The following ARHGAP27 variants were observed in gnomAD, a reference collection of about 807,000 sequenced individuals.
ARHGAP27 encodes the protein Rho GTPase activating protein 27, also known as rho GTPase-activating protein 27.
A neutral mutation model predicts 102.0 loss-of-function variants in ARHGAP27; 53 were observed. The ratio of observed to expected loss-of-function variants is 0.52; its 90% CI spans 0.42 to 0.65. The LOEUF is 0.65. Ranked by LOEUF, ARHGAP27 falls within the 30% of genes least tolerant of loss-of-function variation. ARHGAP27 has a pLI of 0.00. For missense variants in ARHGAP27, 1,117 were observed against 1,256.2 expected, an observed-to-expected ratio of 0.89 and a Z score of 1.68; for synonymous variants, 525 against 542.8, an observed-to-expected ratio of 0.97 and a Z score of 0.46.
intron 4 of ARHGAP27, among the ~76,000 whole-genome samples, chr17:45,412,881 C>T (rs1450862752): frequency 2.0e-5 from 3 of 148,828 alleles, no homozygotes; most frequent in Non-Finnish European, 4.4e-5. Flanking sequence ...TGGGCCGGGA[C>T]CTGGGGAAAG....
chr17:45,413,551 C>T (rs939135784), intron 4 of ARHGAP27, among the ~76,000 whole-genome samples: 56 of 152,262 alleles, frequency 3.7e-4, no homozygotes, highest in Admixed American at 3.7e-3. Context: ...ACTGAGCGGG[C>T]CTTGGGTTCC....
At chr17:45,411,967 G>A (rs1485314814) in intron 4 of ARHGAP27, among the ~76,000 whole-genome samples, 1 of 152,176 alleles carries the variant, frequency 6.6e-6, no homozygotes. Flanking sequence ...AAGAGGACAG[G>A]TGTGGAACTC....
intron 4 of ARHGAP27, chr17:45,425,471 C>A: frequency 2.4e-6 from 2 of 829,436 alleles, no homozygotes; most frequent in Non-Finnish European, 2.9e-6. Context: ...AGGGGAGGGG[C>A]CCCCAGATGG....
Position 45,396,272 on chromosome 17 carries a change from T to A in ARHGAP27, c.2186A>T (p.Asp729Val). 1 of 1,612,676 alleles carries A rather than the reference T, an allele frequency of 6.2e-7. No individual in the cohort carries two copies. The highest frequency in any genetic ancestry group is 8.5e-7 in the Non-Finnish European group (1 of 1,179,454). The change falls in exon 17 of 20, where the codon GAC becomes GTC. Residue 729 changes from aspartate (D) to valine (V), a missense_variant. Around this residue, in one of 3 missense-constraint regions of ARHGAP27, gnomAD observed 493 missense variants for 505.5 expected, o/e 0.98. Transcript: ENST00000685559. ...RAVEARGLDIDGLYRISGNLA... is the reference protein window; with the variant it reads ...RAVEARGLDIVGLYRISGNLA... ...GTTTCCACTGATGCGGTACAGCCCG[T>A]CGATGTCCAGCCCTGGGCCAGAGGG...
chr17:45,396,835 G>A (rs2045788201), intron 14 of ARHGAP27, 45 bp from the exon 15 acceptor site: 1 of 1,606,198 alleles, frequency 6.2e-7, no homozygotes, highest in Non-Finnish European at 8.5e-7. Context: ...CAGCGCCAGG[G>A]CAGGCCAGGC....
intron 16 of ARHGAP27, 28 bp downstream of exon 16, chr17:45,396,459 G>A (rs1260314960): frequency 1.3e-6 from 2 of 1,505,156 alleles, no homozygotes; most frequent in Admixed American, 2.1e-5. Context: ...CCCAATGCCT[G>A]CCGCCCTCAC....
intron 4 of ARHGAP27, among the ~76,000 whole-genome samples, chr17:45,413,887 CTTGAGG>C (rs1035208459): frequency 2.0e-5 from 3 of 152,126 alleles, no homozygotes; most frequent in Non-Finnish European, 2.9e-5. Context: ...AGGAGGATCA[CTTGAGG>C]TCAGGAGTTT....
rs866984128 is a variant in ARHGAP27 at position 45,429,302 on chromosome 17, C to G, written c.657+321G>C. The G allele has an allele frequency of 1.5e-5, 13 of 873,978 alleles. No individual in the cohort carries two copies. The Middle Eastern group carries it at 2.5e-3, about 171-fold the overall frequency. 54.1% of individuals were successfully genotyped at this position (873,978 alleles called of 1,614,324 possible). ...GCTCATTTGCATTTCTGCAGCGAAA[C>G]ATGAATATTCACACAAGTGCGATAA... On this transcript the variant is annotated intron_variant, in intron 4 of 19. Transcript: ENST00000685559.
At chr17:45,397,734 TG>T in intron 13 of ARHGAP27, 1 of 423,748 alleles carries the variant, frequency 2.4e-6, no homozygotes, top group Non-Finnish European at 4.2e-6. Context: ...TACCCTCACC[TG>T]GAGAGTCTTC....
At position 45,395,859 on chromosome 17, in the gene ARHGAP27, G is replaced by T. The variant is rs1178852898; in HGVS notation, c.2387-10C>A. On this transcript the variant is annotated splice_polypyrimidine_tract_variant and intron_variant, in intron 18 of 19. Transcript: ENST00000685559. ...GCCTGGTCCTGCAACTCTGGGTGAG[G>T]GAAGGTTTAGAGGGAGGGAGTCGGA... is the stretch of plus-strand genomic sequence containing the variant. The T allele has an allele frequency of 6.3e-7, 1 of 1,597,616 alleles. No individual in the cohort carries two copies.
At position 45,396,155 on chromosome 17, in the gene ARHGAP27, A is replaced by G. The variant is rs374952036; in HGVS notation, c.2252-38T>C. ...AAGGGAGGAGGACGGAAGGGAAATC[A>G]GTACCCCTTGCGCCTTCAGGCCCTG... On this transcript the variant is annotated intron_variant, in intron 17 of 19. Transcript: ENST00000685559. 122 of 1,598,704 alleles carry G rather than the reference A, an allele frequency of 7.6e-5. No individual in the cohort carries two copies. The African/African-American group carries it at 1.5e-3, about 20-fold the overall frequency.
At chr17:45,405,136 C>A in intron 5 of ARHGAP27, 30 bp from the exon 6 acceptor site, 1 of 1,546,382 alleles carries the variant, frequency 6.5e-7, no homozygotes, top group East Asian at 2.3e-5. Context: ...GAGTCAGAGG[C>A]TCTGAGTGCC....
chr17:45,404,759 A>C (rs1334071772), intron 6 of ARHGAP27, 78 bp from the exon 7 acceptor site: 12 of 1,530,062 alleles, frequency 7.8e-6, no homozygotes, highest in Non-Finnish European at 1.1e-5. Flanking sequence ...ACCAGGTTCC[A>C]AGACAGCACC....
chr17:45,396,658 C>G lies in ARHGAP27; in HGVS notation c.2074+10G>C. 6.2e-7 allele frequency: 1 copy of G among 1,613,504 alleles called. No homozygotes were observed. On this transcript the variant is annotated intron_variant, in intron 15 of 19. Transcript: ENST00000685559. ...GTCCCGGGTCCCCGCCCCCCGCAGG[C>G]CTCGGGTACCTTTGATGTAGCCCTT...
intron 4 of ARHGAP27, among the ~76,000 whole-genome samples, chr17:45,418,027 ACT>A (rs1365836583): frequency 6.9e-6 from 1 of 144,028 alleles, no homozygotes; most frequent in Non-Finnish European, 1.5e-5. Context: ...ACAAAGCGAG[ACT>A]CTGTCTCAAA....
intron 4 of ARHGAP27, 134 bp downstream of exon 4, chr17:45,429,489 C>A: frequency 6.6e-7 from 1 of 1,504,114 alleles, no homozygotes; most frequent in Admixed American, 2.4e-5. Flanking sequence ...AGAGGGAGCT[C>A]ATCCGAAGTC....
rs1438870696 is a variant in ARHGAP27 at position 45,427,063 on chromosome 17, C to G, written c.657+2560G>C. 6.6e-6 allele frequency among the ~76,000 whole-genome samples: 1 copy of G among 152,112 alleles called. No individual in the cohort carries two copies. Among genetic ancestry groups the G allele is most frequent in the Admixed American group, 6.5e-5 (1 of 15,276 alleles). The stretch of plus-strand genomic sequence containing the variant: ...AGGAAGCAGCACCACTGTCTGCCCA[C>G]GAGTGCCAGCTGGGAATCTAGAACT... On this transcript the variant is annotated intron_variant, in intron 4 of 19. Coordinates refer to ENST00000685559, the MANE Select transcript of ARHGAP27 (RefSeq NM_001282290.2). This position sits in a 1 kb window ranked among gnomAD's most constrained non-coding sequence, Gnocchi z 4.5.
intron 4 of ARHGAP27, chr17:45,410,435 T>A: frequency 7.5e-7 from 1 of 1,328,332 alleles, no homozygotes; most frequent in Non-Finnish European, 9.6e-7. Flanking sequence ...CCATTTCCTG[T>A]CAGGGCTGCG....
chr17:45,405,158 C>T, intron 5 of ARHGAP27, 52 bp from the exon 6 acceptor site: 1 of 1,469,868 alleles, frequency 6.8e-7, no homozygotes, highest in African/African-American at 1.4e-5. Flanking sequence ...GTACTGCCTG[C>T]TGGCCCTGCC....
Sources: allele counts gnomAD v4.1 joint callset (sites outside exome capture counted in the v4.1 genomes callset), GRCh38; gene constraint gnomAD v4.1.1; regional missense constraint gnomAD v4.1.1; non-coding constraint Gnocchi (gnomAD v3.1); transcripts MANE v1.5; gene names NCBI Gene and HGNC (gene_info 2026-07-23, HGNC 2026-07-21).